The following ZNF407 variants were observed in gnomAD, a reference collection of about 807,000 sequenced individuals.
ZNF407 encodes zinc finger protein 407.
A neutral mutation model predicts 131.2 loss-of-function variants in ZNF407; 17 were observed. The ratio of observed to expected loss-of-function variants is 0.13; its 90% confidence interval spans 0.09 to 0.19. The LOEUF is 0.19. Ranked by LOEUF, ZNF407 falls within the 10% of genes least tolerant of loss-of-function variation. The pLI is 1.00. For synonymous variants in ZNF407, 1,156 were observed against 1,062.0 expected (o/e 1.09, Z -1.72); for missense variants, 2,681 against 2,830.6 (o/e 0.95, Z 1.20).
chr18:75,000,856 A>G (rs1023410889), intron 8 of ZNF407, among the ~76,000 whole-genome samples: 6 of 152,216 alleles, frequency 3.9e-5, no homozygotes, highest in Admixed American at 3.3e-4. Context: ...ACATATGTGC[A>G]TCGAATGCTT....
chr18:74,919,432 T>A (rs897097421), intron 7 of ZNF407, among the ~76,000 whole-genome samples: 5 of 152,252 alleles, frequency 3.3e-5, no homozygotes, highest in Non-Finnish European at 5.9e-5. Context: ...ATGTGTTGGC[T>A]GACTACCGTT....
At chr18:74,606,165 T>C (rs1982797581) in intron 1 of ZNF407, among the ~76,000 whole-genome samples, 1 of 152,190 alleles carries the variant, frequency 6.6e-6, no homozygotes, top group Non-Finnish European at 1.5e-5. Context: ...GGTGAAAAAC[T>C]TCTGGGAGAT....
At chr18:75,040,912 C>T (rs1052533289) in intron 8 of ZNF407, among the ~76,000 whole-genome samples, 1 of 152,196 alleles carries the variant, frequency 6.6e-6, no homozygotes, top group Non-Finnish European at 1.5e-5. Flanking sequence ...CCGGCCAGCA[C>T]TGTTACTAAT....
intron 3 of ZNF407, among the ~76,000 whole-genome samples, chr18:74,700,035 T>A (rs1967454912): frequency 6.6e-6 from 1 of 152,220 alleles, no homozygotes; most frequent in African/African-American, 2.4e-5. Flanking sequence ...ATGGTTACCA[T>A]GCTTAAAAAA....
rs77917614 is a variant in ZNF407 at position 74,856,372 on chromosome 18, G to A, written c.4878-20825G>A. ...TTGCCCCTTTATTTTTTCCTCTCAC[G>A]CTATAAATTCCTGTGAAACATTTAT... is the stretch of plus-strand genomic sequence containing the variant. On this transcript the variant is annotated intron_variant, in intron 4 of 8. Transcript: ENST00000299687. Among the ~76,000 whole-genome samples the A allele has an allele frequency of 5.8e-3, 876 of 152,186 alleles. 6 individuals are homozygous for A. Among genetic ancestry groups the A allele is most frequent in the Middle Eastern group, 0.017 (5 of 294 alleles).
chr18:75,025,521 G>C (rs748276984), intron 8 of ZNF407, among the ~76,000 whole-genome samples: 10 of 152,180 alleles, frequency 6.6e-5, no homozygotes, highest in Middle Eastern at 3.2e-3. Flanking sequence ...GGAGGAGCAG[G>C]TCTGTGCAAT....
chr18:74,710,393 A>C (rs906549513), intron 3 of ZNF407, among the ~76,000 whole-genome samples: 1 of 152,220 alleles, frequency 6.6e-6, no homozygotes, highest in Non-Finnish European at 1.5e-5. Context: ...GTTTGACTAG[A>C]CATGCATAAT....
intron 3 of ZNF407, among the ~76,000 whole-genome samples, chr18:74,768,975 G>T (rs1010164226): frequency 6.6e-6 from 1 of 152,030 alleles, no homozygotes; most frequent in South Asian, 2.1e-4. Context: ...TGTCTTTGGG[G>T]TCCTCTTCTT....
intron 4 of ZNF407, among the ~76,000 whole-genome samples, chr18:74,793,582 T>A (rs950097753): frequency 2.0e-5 from 3 of 152,272 alleles, no homozygotes; most frequent in African/African-American, 7.2e-5. Context: ...GAATGTAAAG[T>A]GTGACTTTCA....
intron 8 of ZNF407, among the ~76,000 whole-genome samples, chr18:75,016,357 T>C (rs1973043975): frequency 6.6e-6 from 1 of 152,184 alleles, no homozygotes; most frequent in Non-Finnish European, 1.5e-5. Flanking sequence ...TGTTATTTTA[T>C]AGCTATTTAA....
chr18:74,612,765 G>A (rs538022230), intron 1 of ZNF407, among the ~76,000 whole-genome samples: 4 of 152,258 alleles, frequency 2.6e-5, no homozygotes, highest in South Asian at 4.1e-4. Context: ...CTTGCTTTGC[G>A]GAAGAGGCAC....
intron 3 of ZNF407, among the ~76,000 whole-genome samples, chr18:74,708,132 A>G (rs1283991820): frequency 6.6e-6 from 1 of 152,226 alleles, no homozygotes; most frequent in Non-Finnish European, 1.5e-5. Flanking sequence ...AACAAATAAA[A>G]AAATCCCAAA....
intron 4 of ZNF407, among the ~76,000 whole-genome samples, chr18:74,796,434 A>G (rs957433937): frequency 1.9e-4 from 29 of 152,306 alleles, no homozygotes; most frequent in Non-Finnish European, 3.8e-4. Flanking sequence ...TTTAATATCT[A>G]TTTGATTGAG....
chr18:74,701,278 G>T (rs1263372036), intron 3 of ZNF407, among the ~76,000 whole-genome samples: 1 of 152,212 alleles, frequency 6.6e-6, no homozygotes, highest in East Asian at 1.9e-4. Context: ...CACCTGTGCT[G>T]TTTGGCACCA....
rs76130497 is a variant in ZNF407, at chr18:74,881,153, C to T, written c.5128+34C>T. 5.5e-4 allele frequency: 843 copies of T among 1,535,750 alleles called. No homozygotes were observed. In the African/African-American group the frequency reaches 0.01, roughly 19 times the overall value. ...CGATGCTGCACTGGCCCCTTCTCTG[C>T]AGAGAGGACGGCAAGACACCCCAGC... is the stretch of plus-strand genomic sequence containing the variant. On this transcript the variant is annotated intron_variant, in intron 6 of 8. Transcript: ENST00000299687.
intron 1 of ZNF407, among the ~76,000 whole-genome samples, chr18:74,627,470 A>G (rs1983833175): frequency 6.6e-6 from 1 of 152,124 alleles, no homozygotes; most frequent in Admixed American, 6.5e-5. Flanking sequence ...TGCTTTATAG[A>G]AAAGAGCATT....
rs559591214 is a variant in ZNF407, at chr18:74,809,718, T to C, written c.4877+28216T>C. ...TCAGGAATTGGTAATTTTAAACAGT[T>C]CTTGCTTATGTACCCTTTGCACATA... On this transcript the variant is annotated intron_variant, in intron 4 of 8. Transcript: ENST00000299687. 2.4e-3 allele frequency among the ~76,000 whole-genome samples: 370 copies of C among 152,340 alleles called. 2 individuals are homozygous for C. The highest frequency in any genetic ancestry group is 7.2e-3 in the African/African-American group (301 of 41,582).
chr18:74,811,847 GGGA>G (rs1970200568), intron 4 of ZNF407, among the ~76,000 whole-genome samples: 2 of 150,984 alleles, frequency 1.3e-5, no homozygotes, highest in South Asian at 4.2e-4. Flanking sequence ...ACACAGGAAG[GGGA>G]ACATCACACT....
intron 8 of ZNF407, among the ~76,000 whole-genome samples, chr18:74,985,748 T>G (rs1162821358): frequency 6.6e-6 from 1 of 152,138 alleles, no homozygotes; most frequent in East Asian, 1.9e-4. Flanking sequence ...CTTTGGGCCA[T>G]TGAACAGCCA....
Sources: gnomAD v4.1 joint callset for allele counts (sites outside exome capture counted in the v4.1 genomes callset) on GRCh38, gnomAD v4.1.1 for gene constraint, MANE v1.5 for transcripts, NCBI Gene and HGNC (gene_info 2026-07-23, HGNC 2026-07-21) for gene names.